Variants in ITGB8 observed in about 807,000 individuals in gnomAD.
The protein encoded by ITGB8 is integrin subunit beta 8, also known as integrin beta-8.
ITGB8 carries 30 observed loss-of-function variants against 89.5 expected under a neutral mutation model. That is an observed-to-expected ratio of 0.34 (90% CI 0.25 to 0.45). The LOEUF is 0.45. Among genes scored for constraint, ITGB8 ranks in the 20% least tolerant of loss-of-function variants. The probability of loss-of-function intolerance (pLI) is 1.00; values close to 1 mark genes in which losing one functional copy is unlikely to be tolerated. For synonymous variants in ITGB8, 335 were observed against 320.4 expected (o/e 1.05, Z -0.49); for missense variants, 836 against 933.3 (o/e 0.90, Z 1.36).
rs943883720 is a variant in ITGB8, at chr7:20,379,176, G to A, written c.514G>A (p.Asp172Asn). 21 of 1,611,898 alleles carry A rather than the reference G, an allele frequency of 1.3e-5. No homozygotes were observed. The highest frequency in any genetic ancestry group is 2.2e-5 in the East Asian group (1 of 44,722). ...AGAAAAATTAAATTCCGTTGGAAAC[G>A]ATTTATCTAGAAAAATGGCATTTTT... ...NIEKLNSVGN[D>N]LSRKMAFFSR... is the part of the protein sequence containing the mutation. The change falls in exon 4 of 14, where the codon GAT becomes AAT. Residue 172 changes from aspartate to asparagine, a missense_variant. Asp to Asn is a conservative substitution (Grantham distance 23). Coordinates refer to ENST00000222573, the MANE Select transcript of ITGB8 (RefSeq NM_002214.3).
chr7:20,331,679 C>A lies in ITGB8; in HGVS notation c.-128C>A, dbSNP rs1784400441. 4.3e-6 allele frequency: 5 copies of A among 1,171,344 alleles called. No homozygotes were observed. The highest frequency in any genetic ancestry group is 5.7e-6 in the Non-Finnish European group (5 of 875,146). The allele number at this position is 1,171,344 out of a possible 1,614,324, so 72.6% of individuals were successfully genotyped here. A position where few individuals can be genotyped will look rare whatever the true frequency, so the allele number is the denominator to read the frequency against. On this transcript the variant is annotated 5_prime_UTR_variant, in exon 1 of 14. Transcript: ENST00000222573. Reference sequence around the variant, plus strand: ...ACCGCTTGCTCCGAGCCGCGGGGTCCGCCTGCTAGGCCTGCGGAAAACGTC... The same window carrying A: ...ACCGCTTGCTCCGAGCCGCGGGGTCAGCCTGCTAGGCCTGCGGAAAACGTC...
rs750762159 is a variant in ITGB8 at position 20,381,862 on chromosome 7, G to T, written c.937G>T (p.Val313Phe). The change falls in exon 6 of 14, where the codon GTC becomes TTC. Residue 313 changes from valine to phenylalanine, a missense_variant. Transcript: ENST00000222573. ...CGGAAACTGTCATCTGAAAAACAAC[G>T]TCTATGTCAAATCGACAACCATGGT... Reference protein sequence around the residue: ...NDGNCHLKNNVYVKSTTMEHP... With the variant: ...NDGNCHLKNNFYVKSTTMEHP... 6.2e-6 allele frequency: 10 copies of T among 1,612,926 alleles called. No homozygotes were observed. Among genetic ancestry groups the T allele is most frequent in the Non-Finnish European group, 8.5e-6 (10 of 1,179,732 alleles).
At chr7:20,394,706 C>T (rs989395826) in intron 7 of ITGB8, among the ~76,000 whole-genome samples, 190 bp from the exon 8 acceptor site, 2 of 152,216 alleles carry the variant, frequency 1.3e-5, no homozygotes, top group African/African-American at 4.8e-5. Flanking sequence ...TACAGACACA[C>T]ACAACCACTA....
At chr7:20,380,118 T>G (rs1471230911) in intron 4 of ITGB8, 1 of 153,520 alleles carries the variant, frequency 6.5e-6, no homozygotes, top group Non-Finnish European at 1.4e-5. Flanking sequence ...TGGAGTTTCA[T>G]AAGCCTTCTT....
intron 1 of ITGB8, among the ~76,000 whole-genome samples, chr7:20,341,075 T>C (rs1241314460): frequency 6.6e-6 from 1 of 152,230 alleles, no homozygotes; most frequent in African/African-American, 2.4e-5. Flanking sequence ...CTGGCTGTTC[T>C]AGTTGGAAAC....
chr7:20,332,690 C>T (rs1328665904), intron 1 of ITGB8, among the ~76,000 whole-genome samples: 3 of 152,132 alleles, frequency 2.0e-5, no homozygotes, highest in Non-Finnish European at 4.4e-5. Context: ...ATTAATAATA[C>T]CTGCCTTCTC....
chr7:20,410,101 T>C lies in ITGB8; in HGVS notation c.*104T>C, dbSNP rs1044443668. ...GGAGGAGACAAATTGCTCACGGTCA[T>C]GCCAGTTGCTGGTTGTACACTCGAA... On this transcript the variant is annotated 3_prime_UTR_variant, in exon 14 of 14. Transcript: ENST00000222573. 1.2e-5 allele frequency: 14 copies of C among 1,145,908 alleles called. No individual in the cohort carries two copies. The African/African-American group carries it at 2.2e-4, about 18-fold the overall frequency. 71.0% of individuals were successfully genotyped at this position (1,145,908 alleles called of 1,614,324 possible). A position where few individuals can be genotyped will look rare whatever the true frequency, so the allele number is the denominator to read the frequency against.
intron 4 of ITGB8, 168 bp downstream of exon 4, chr7:20,379,465 T>A (rs1446119594): frequency 1.6e-5 from 5 of 318,832 alleles, no homozygotes; most frequent in South Asian, 2.8e-4. Flanking sequence ...ACTTCTGAGA[T>A]GAACTGTAGA....
chr7:20,406,238 C>G, intron 12 of ITGB8, 67 bp downstream of exon 12: 2 of 1,000,466 alleles, frequency 2.0e-6, no homozygotes, highest in Non-Finnish European at 3.2e-6. Context: ...CCCCAAAAGA[C>G]CCATAATTAA....
chr7:20,343,279 T>C (rs1784822382), intron 1 of ITGB8, among the ~76,000 whole-genome samples: 1 of 152,216 alleles, frequency 6.6e-6, no homozygotes, highest in Non-Finnish European at 1.5e-5. Context: ...CAATACTGTG[T>C]GGTTTTTAAC....
chr7:20,363,467 C>G (rs909133111), intron 1 of ITGB8, among the ~76,000 whole-genome samples, 170 bp from the exon 2 acceptor site: 2 of 152,104 alleles, frequency 1.3e-5, no homozygotes, highest in African/African-American at 4.8e-5. Context: ...ATGAGCCGGT[C>G]GACTCTTTCC....
chr7:20,379,713 T>C (rs1009607882), intron 4 of ITGB8: 1 of 152,578 alleles, frequency 6.6e-6, no homozygotes, highest in African/African-American at 2.4e-5. Context: ...ACACGTCATC[T>C]ATCTCTCCAT....
chr7:20,362,714 G>A (rs1374392952), intron 1 of ITGB8, among the ~76,000 whole-genome samples: 1 of 152,148 alleles, frequency 6.6e-6, no homozygotes, highest in Non-Finnish European at 1.5e-5. Context: ...GTGACTTCCA[G>A]TGTCCTTAGA....
intron 7 of ITGB8, 90 bp downstream of exon 7, chr7:20,391,588 G>T: frequency 1.7e-6 from 1 of 605,192 alleles, no homozygotes; most frequent in Non-Finnish European, 2.8e-6. Flanking sequence ...TAAGGATTCT[G>T]GAATTATTAT....
At chr7:20,402,259 C>T in intron 10 of ITGB8, 133 bp downstream of exon 10, 1 of 777,584 alleles carries the variant, frequency 1.3e-6, no homozygotes. Context: ...TTTCAAAGTC[C>T]ATGAAATTAG....
chr7:20,366,971 T>C (rs1785723611), intron 2 of ITGB8, 41 bp from the exon 3 acceptor site: 1 of 1,410,266 alleles, frequency 7.1e-7, no homozygotes, highest in Admixed American at 2.0e-5. Flanking sequence ...ATGTAATTGA[T>C]ATACACTAAA....
intron 1 of ITGB8, among the ~76,000 whole-genome samples, chr7:20,354,982 A>C (rs1167595005): frequency 6.6e-6 from 1 of 152,218 alleles, no homozygotes; most frequent in East Asian, 1.9e-4. Context: ...AGATTATTGT[A>C]TAGACATTGC....
intron 10 of ITGB8, 98 bp from the exon 11 acceptor site, chr7:20,404,530 G>C (rs1282332982): frequency 1.1e-6 from 1 of 950,698 alleles, no homozygotes; most frequent in African/African-American, 1.6e-5. Context: ...TGGACTGTCA[G>C]TGCGTTTCCA....
intron 1 of ITGB8, chr7:20,346,890 T>C: frequency 5.1e-6 from 5 of 976,298 alleles, no homozygotes; most frequent in Non-Finnish European, 6.1e-6. Flanking sequence ...AACTTTATGC[T>C]ATGGTCTAAA....
Sources: allele counts gnomAD v4.1 joint callset (sites outside exome capture counted in the v4.1 genomes callset), GRCh38; gene constraint gnomAD v4.1.1; transcripts MANE v1.5; gene names NCBI Gene and HGNC (gene_info 2026-07-23, HGNC 2026-07-21).